Variants in KCNMA1 observed in about 807,000 individuals in gnomAD.
KCNMA1 encodes potassium calcium-activated channel subfamily M alpha 1.
A neutral mutation model predicts 140.0 loss-of-function variants in KCNMA1; 29 were observed. The ratio of observed to expected loss-of-function variants is 0.21; its 90% confidence interval spans 0.15 to 0.28. The LOEUF (loss-of-function observed/expected upper bound fraction) is 0.28, where lower values mean the gene tolerates loss of function less well. Ranked by LOEUF, KCNMA1 falls within the 10% of genes least tolerant of loss-of-function variation. The pLI is 1.00. For synonymous variants in KCNMA1, 612 were observed against 611.9 expected (o/e 1.00, Z 0.00); for missense variants, 880 against 1,602.2 (o/e 0.55, Z 7.70).
chr10:77,221,396 T>A (rs557629082), intron 3 of KCNMA1, among the ~76,000 whole-genome samples: 4 of 152,238 alleles, frequency 2.6e-5, no homozygotes, highest in Non-Finnish European at 4.4e-5. Flanking sequence ...ATGAGCTAGC[T>A]GAAATTATAT....
chr10:77,603,723 GC>G (rs777205430), intron 1 of KCNMA1, among the ~76,000 whole-genome samples: 3 of 152,068 alleles, frequency 2.0e-5, no homozygotes, highest in Non-Finnish European at 2.9e-5. Context: ...CCACAACCCA[GC>G]CCCCAGGGCT....
chr10:77,391,872 C>T (rs1300691857), intron 2 of KCNMA1, among the ~76,000 whole-genome samples: 1 of 151,702 alleles, frequency 6.6e-6, no homozygotes, highest in African/African-American at 2.4e-5. Flanking sequence ...TCATCATCAT[C>T]TCTATTTTTG....
At position 77,637,505 on chromosome 10, in the gene KCNMA1, A is replaced by G. The variant is rs199671652; in HGVS notation, c.138T>C (p.Ser46=). 3 of 1,572,950 alleles carry G rather than the reference A, an allele frequency of 1.9e-6. No individual in the cohort carries two copies. Among genetic ancestry groups the G allele is most frequent in the South Asian group, 2.3e-5 (2 of 87,748 alleles). Residue 46 remains serine (S), a synonymous_variant, in exon 1 of 28, where the codon TCT becomes TCC. Transcript: ENST00000286628. ...LDASSSSSSS[S]SSSSSSSSSS... ...AGGAGGAGGAAGAAGAAGAAGAGGA[A>G]GAGGAGGAGGAGGAGGAGGAGGACG...
At chr10:77,547,290 C>G (rs924643386) in intron 1 of KCNMA1, among the ~76,000 whole-genome samples, 4 of 152,236 alleles carry the variant, frequency 2.6e-5, no homozygotes, top group Non-Finnish European at 5.9e-5. Context: ...TGCCTCCCCA[C>G]AGGGCTGCAA....
intron 6 of KCNMA1, among the ~76,000 whole-genome samples, chr10:77,115,594 C>T (rs947884072): frequency 1.3e-5 from 2 of 152,164 alleles, no homozygotes; most frequent in African/African-American, 4.8e-5. Context: ...CACCAACAAC[C>T]ATGTAGAGTC....
chr10:77,436,595 A>G (rs1022602493), intron 1 of KCNMA1, among the ~76,000 whole-genome samples: 5 of 152,230 alleles, frequency 3.3e-5, no homozygotes, highest in Admixed American at 3.3e-4. Flanking sequence ...AATCTCCATT[A>G]TACAGAAAAG....
chr10:77,177,740 T>A (rs1212174209), intron 5 of KCNMA1, among the ~76,000 whole-genome samples: 1 of 152,118 alleles, frequency 6.6e-6, no homozygotes, highest in Non-Finnish European at 1.5e-5. Context: ...CAGAAGCCTA[T>A]CCTCATTCTC....
chr10:77,238,066 G>A (rs947721176), intron 3 of KCNMA1, among the ~76,000 whole-genome samples: 2 of 152,164 alleles, frequency 1.3e-5, no homozygotes, highest in African/African-American at 4.8e-5. Context: ...TTGGAGGCAG[G>A]TGAGGTCAGG....
At chr10:77,376,929 T>C (rs967618307) in intron 2 of KCNMA1, among the ~76,000 whole-genome samples, 1 of 84,506 alleles carries the variant, frequency 1.2e-5, no homozygotes, top group Admixed American at 1.1e-4. Context: ...CAGAGCAAGA[T>C]TCCCTCTCAA....
Position 77,327,298 on chromosome 10 carries a change from C to T in KCNMA1, c.541-76042G>A, listed in dbSNP as rs182289267. On this transcript the variant is annotated intron_variant, in intron 2 of 27. Transcript: ENST00000286628. ...CCTTCTTGTCTAGACAAGCTTGAAT[C>T]CCAAGCAGAAGAGGAGACTGAGCAC... is the stretch of plus-strand genomic sequence containing the variant. Among the ~76,000 whole-genome samples, 207 of 151,370 alleles carry T rather than the reference C, an allele frequency of 1.4e-3. 1 individual carries two copies. The highest frequency in any genetic ancestry group is 4.9e-3 in the African/African-American group (201 of 41,274).
At chr10:77,049,068 C>T (rs1157164534) in intron 14 of KCNMA1, among the ~76,000 whole-genome samples, 1 of 152,106 alleles carries the variant, frequency 6.6e-6, no homozygotes, top group Non-Finnish European at 1.5e-5. Flanking sequence ...CCGGCCAGAA[C>T]GTGATATTTA....
intron 5 of KCNMA1, among the ~76,000 whole-genome samples, chr10:77,156,796 C>G (rs1263504425): frequency 6.6e-6 from 1 of 152,190 alleles, no homozygotes; most frequent in Non-Finnish European, 1.5e-5. Context: ...CTGACCCCAC[C>G]TGGACCCAAG....
chr10:77,449,703 C>G (rs1321060574), intron 1 of KCNMA1, among the ~76,000 whole-genome samples: 1 of 138,020 alleles, frequency 7.2e-6, no homozygotes, highest in Non-Finnish European at 1.5e-5. Context: ...AGTGCAGTGG[C>G]GGGATGTCAG....
chr10:77,613,086 A>C (rs1414008618), intron 1 of KCNMA1, among the ~76,000 whole-genome samples: 5 of 152,168 alleles, frequency 3.3e-5, no homozygotes, highest in Admixed American at 3.3e-4. Context: ...GCCCTCCCCA[A>C]AACCCCACCA....
intron 2 of KCNMA1, among the ~76,000 whole-genome samples, chr10:77,337,329 C>T (rs930387475): frequency 6.6e-6 from 1 of 152,182 alleles, no homozygotes; most frequent in African/African-American, 2.4e-5. Flanking sequence ...AACACTAGGC[C>T]GGGCATGGTG....
chr10:77,036,944 T>G (rs1278172715), intron 15 of KCNMA1, among the ~76,000 whole-genome samples: 1 of 152,234 alleles, frequency 6.6e-6, no homozygotes, highest in Non-Finnish European at 1.5e-5. Flanking sequence ...ATTGATCATT[T>G]CTACCTCTGC....
At chr10:77,295,769 C>G (rs1318772425) in intron 2 of KCNMA1, among the ~76,000 whole-genome samples, 1 of 101,756 alleles carries the variant, frequency 9.8e-6, no homozygotes, top group African/African-American at 4.0e-5. Context: ...GCCTGGGCGA[C>G]AGAGCGAGAC....
At chr10:77,369,597 T>C (rs2094555032) in intron 2 of KCNMA1, among the ~76,000 whole-genome samples, 1 of 152,228 alleles carries the variant, frequency 6.6e-6, no homozygotes, top group African/African-American at 2.4e-5. Context: ...AAAATTCTAG[T>C]TGACAGATTC....
At chr10:77,366,146 TTC>T (rs34081325) in intron 2 of KCNMA1, among the ~76,000 whole-genome samples, 3 of 150,626 alleles carry the variant, frequency 2.0e-5, no homozygotes, top group South Asian at 4.2e-4. Context: ...CTCTCTCTCT[TTC>T]TCTTTCTTTC....
Sources: gnomAD v4.1 joint callset for allele counts (sites outside exome capture counted in the v4.1 genomes callset) on GRCh38, gnomAD v4.1.1 for gene constraint, MANE v1.5 for transcripts, NCBI Gene and HGNC (gene_info 2026-07-23, HGNC 2026-07-21) for gene names.